The following MRPS27 variants were observed in gnomAD, a reference collection of about 807,000 sequenced individuals.
MRPS27 encodes the protein small ribosomal subunit protein mS27.
A neutral mutation model predicts 48.9 loss-of-function variants in MRPS27; 43 were observed. That is an observed-to-expected ratio of 0.88 (90% CI 0.69 to 1.13). MRPS27 has a LOEUF of 1.13. Among genes scored for constraint, MRPS27 ranks in the 50% most tolerant of loss-of-function variants. The pLI is 0.00. For synonymous variants in MRPS27, 188 were observed against 171.9 expected (o/e 1.09, Z -0.73); for missense variants, 467 against 476.3 (o/e 0.98, Z 0.18).
chr5:72,231,302 C>T (rs1748058941), intron 7 of MRPS27, among the ~76,000 whole-genome samples: 1 of 152,130 alleles, frequency 6.6e-6, no homozygotes, highest in African/African-American at 2.4e-5. Flanking sequence ...TGTTCTTCCC[C>T]TCCTTAGCCA....
chr5:72,257,400 A>G (rs184632162), intron 4 of MRPS27, among the ~76,000 whole-genome samples: 166 of 152,222 alleles, frequency 1.1e-3, no homozygotes, highest in Non-Finnish European at 1.4e-3. Context: ...CTTCCTCCCT[A>G]GCTGGTAAGT....
intron 6 of MRPS27, among the ~76,000 whole-genome samples, chr5:72,233,833 T>C (rs2111953389): frequency 6.6e-6 from 1 of 152,288 alleles, no homozygotes; most frequent in South Asian, 2.1e-4. Context: ...TTATCCTTTA[T>C]TTATATTCTG....
intron 1 of MRPS27, among the ~76,000 whole-genome samples, chr5:72,319,016 T>C (rs1464967429): frequency 6.6e-6 from 1 of 152,148 alleles, no homozygotes; most frequent in Admixed American, 6.5e-5. Flanking sequence ...AACTCTGAGG[T>C]TTCACATTGA....
At position 72,220,691 on chromosome 5, in the gene MRPS27, G is replaced by A; in HGVS notation, c.*218C>T. 15 of 611,336 alleles carry A rather than the reference G, an allele frequency of 2.5e-5. No individual in the cohort carries two copies. The highest frequency in any genetic ancestry group is 4.2e-5 in the Non-Finnish European group (15 of 355,452). 37.9% of individuals were successfully genotyped at this position (611,336 alleles called of 1,614,324 possible). ...AGAGTCCTCCTTAAGGTATTCAGCT[G>A]GTGACTTCAGTCTGACCACTAGCCA... is the stretch of plus-strand genomic sequence containing the variant. On this transcript the variant is annotated 3_prime_UTR_variant, in exon 11 of 11. Coordinates refer to ENST00000261413, the MANE Select transcript of MRPS27 (RefSeq NM_015084.3).
chr5:72,291,350 T>G (rs146080046), intron 4 of MRPS27, among the ~76,000 whole-genome samples: 1 of 152,242 alleles, frequency 6.6e-6, no homozygotes, highest in Non-Finnish European at 1.5e-5. Flanking sequence ...TTGAACCCTC[T>G]GGCAGTCTGA....
intron 4 of MRPS27, among the ~76,000 whole-genome samples, chr5:72,243,224 T>G (rs552050468): frequency 6.6e-6 from 1 of 152,292 alleles, no homozygotes; most frequent in South Asian, 2.1e-4. Flanking sequence ...TGAAGGAAAG[T>G]TAGCAACTAT....
intron 4 of MRPS27, among the ~76,000 whole-genome samples, chr5:72,250,069 TA>T (rs1748624291): frequency 6.6e-6 from 1 of 152,234 alleles, no homozygotes; most frequent in African/African-American, 2.4e-5. Context: ...GGTTAATTTA[TA>T]AGCATCATAG....
rs1438032607 is a variant in MRPS27, at chr5:72,220,734, C to A, written c.*175G>T. On this transcript the variant is annotated 3_prime_UTR_variant, in exon 11 of 11. Transcript: ENST00000261413. The stretch of plus-strand genomic sequence containing the variant: ...ACTAGCCACCTGCATAGTTCCATAG[C>A]CCTTCTTGGCATCTCGATGGGCAGT... The A allele has an allele frequency of 3.3e-6, 3 of 905,600 alleles. No homozygotes were observed. Among genetic ancestry groups the A allele is most frequent in the Non-Finnish European group, 5.0e-6 (3 of 602,192 alleles). The allele number at this position is 905,600 out of a possible 1,614,324, so 56.1% of individuals were successfully genotyped here.
At chr5:72,239,227 A>T (rs373019946) in intron 4 of MRPS27, among the ~76,000 whole-genome samples, 1 of 152,210 alleles carries the variant, frequency 6.6e-6, no homozygotes, top group East Asian at 1.9e-4. Context: ...GAGGCTGATT[A>T]TTCAGTCTGC....
intron 2 of MRPS27, among the ~76,000 whole-genome samples, chr5:72,298,723 AC>A (rs770528812): frequency 0.042 from 5,776 of 138,962 alleles, 1,223 homozygotes; most frequent in African/African-American, 0.12. Context: ...AAAAAAAAAA[AC>A]AAAAAAAAAA....
intron 2 of MRPS27, among the ~76,000 whole-genome samples, chr5:72,312,019 C>T (rs1490926106): frequency 2.6e-5 from 4 of 152,138 alleles, no homozygotes; most frequent in African/African-American, 9.7e-5. Flanking sequence ...GTAACCCCAG[C>T]TACTCAGGAG....
chr5:72,277,817 T>A (rs1749417990), intron 4 of MRPS27, among the ~76,000 whole-genome samples: 1 of 152,102 alleles, frequency 6.6e-6, no homozygotes, highest in African/African-American at 2.4e-5. Flanking sequence ...GAAGCCATTA[T>A]CCTCAGCAAA....
chr5:72,274,841 T>C (rs939466042), intron 4 of MRPS27, among the ~76,000 whole-genome samples: 4 of 152,220 alleles, frequency 2.6e-5, no homozygotes, highest in African/African-American at 9.7e-5. Context: ...AGCTTCATTA[T>C]AGTCTCATGG....
At position 72,320,149 on chromosome 5, in the gene MRPS27, C is replaced by T; in HGVS notation, c.73G>A (p.Gly25Ser). ...QVVLPQLSPA[G>S]KRYLLSSAYV... Reference sequence around the variant, plus strand: ...GGCCTAATGAAGCTGTCCGGCCAACCTGCAGGAGAGAGCTGAGGAAGAACC... The same window carrying T: ...GGCCTAATGAAGCTGTCCGGCCAACTTGCAGGAGAGAGCTGAGGAAGAACC... The change falls in exon 1 of 11, where the codon GGT becomes AGT. Residue 25 changes from glycine to serine, a missense_variant and splice_region_variant. Physicochemically the swap from Gly to Ser is moderately conservative, Grantham distance 56 (BLOSUM62 0). Coordinates refer to ENST00000261413, the MANE Select transcript of MRPS27 (RefSeq NM_015084.3). The T allele has an allele frequency of 1.2e-6, 2 of 1,613,928 alleles. No homozygotes were observed. The highest frequency in any genetic ancestry group is 1.7e-6 in the Non-Finnish European group (2 of 1,179,832).
intron 4 of MRPS27, among the ~76,000 whole-genome samples, chr5:72,281,405 C>T (rs1341027437): frequency 6.6e-6 from 1 of 152,138 alleles, no homozygotes; most frequent in Non-Finnish European, 1.5e-5. Flanking sequence ...CTCTTGTCTA[C>T]TATACTATAC....
rs1436339298 is a variant in MRPS27, at chr5:72,259,695, T to C, written c.282-21567A>G. Reference sequence around the variant, plus strand: ...TGACTAATTCCCTAATGATAAACATTTGTTCAATAAGATGCTTCTATTTAT... The same window carrying C: ...TGACTAATTCCCTAATGATAAACATCTGTTCAATAAGATGCTTCTATTTAT... On this transcript the variant is annotated intron_variant, in intron 4 of 10. Transcript: ENST00000261413. Among the ~76,000 whole-genome samples, 4 of 152,124 alleles carry C rather than the reference T, an allele frequency of 2.6e-5. No individual in the cohort carries two copies. In the East Asian group the frequency reaches 7.7e-4, roughly 29 times the overall value.
At chr5:72,230,840 A>G (rs1480283856) in intron 7 of MRPS27, among the ~76,000 whole-genome samples, 1 of 152,130 alleles carries the variant, frequency 6.6e-6, no homozygotes, top group African/African-American at 2.4e-5. Context: ...TGAGTCAGAA[A>G]CTGAGGAGAG....
At chr5:72,284,966 G>A (rs1305536858) in intron 4 of MRPS27, among the ~76,000 whole-genome samples, 2 of 152,232 alleles carry the variant, frequency 1.3e-5, no homozygotes, top group South Asian at 2.1e-4. Context: ...TGTATCAGGA[G>A]GTTAAATTCC....
intron 2 of MRPS27, among the ~76,000 whole-genome samples, chr5:72,300,807 G>C (rs1013517684): frequency 6.6e-6 from 1 of 152,174 alleles, no homozygotes; most frequent in African/African-American, 2.4e-5. Context: ...CCAGCAGTCT[G>C]AGTGAGCATT....
Sources: allele counts gnomAD v4.1 joint callset (sites outside exome capture counted in the v4.1 genomes callset), GRCh38; gene constraint gnomAD v4.1.1; transcripts MANE v1.5; gene names NCBI Gene and HGNC (gene_info 2026-07-23, HGNC 2026-07-21).